Variants in UVRAG observed in about 807,000 individuals in gnomAD.
The protein encoded by UVRAG is UV radiation resistance associated.
In UVRAG, 19 loss-of-function variants were observed where a neutral mutation model predicts 78.0. The ratio of observed to expected loss-of-function variants is 0.24; its 90% confidence interval spans 0.17 to 0.36. The LOEUF (loss-of-function observed/expected upper bound fraction) is 0.36, where lower values mean the gene tolerates loss of function less well. Ranked by LOEUF, UVRAG falls within the 10% of genes least tolerant of loss-of-function variation. UVRAG has a pLI of 1.00. For synonymous variants in UVRAG, 323 were observed against 324.6 expected, an observed-to-expected ratio of 1.00 and a Z score of 0.05; for missense variants, 740 against 853.8, an observed-to-expected ratio of 0.87 and a Z score of 1.66.
rs1194020460 is a variant in UVRAG, at chr11:76,141,058, G to A, written c.1745G>A (p.Ser582Asn). 6.2e-7 allele frequency: 1 copy of A among 1,614,044 alleles called. No individual in the cohort carries two copies. The highest frequency in any genetic ancestry group is 1.3e-5 in the African/African-American group (1 of 74,916). The change falls in exon 15 of 15, where the codon AGC becomes AAC. Residue 582 changes from serine to asparagine, a missense_variant. Ser to Asn is a conservative substitution (Grantham distance 46). Transcript: ENST00000356136. ...LNGGHANVHP[S>N]QEQGEALSGH... ...GGAGGCCACGCGAATGTGCACCCTA[G>A]CCAAGAACAAGGAGAAGCCCTCTCC...
At chr11:75,872,471 C>T (rs1235016248) in intron 3 of UVRAG, among the ~76,000 whole-genome samples, 2 of 151,680 alleles carry the variant, frequency 1.3e-5, no homozygotes, top group African/African-American at 2.4e-5. Flanking sequence ...TCCCTGCAAC[C>T]TCTGCCTCCC....
In UVRAG at chr11:76,013,797, G is replaced by A. The variant is rs549620925; in HGVS notation, c.1061-3018G>A. 2.0e-5 allele frequency among the ~76,000 whole-genome samples: 3 copies of A among 152,272 alleles called. No homozygotes were observed. The South Asian group carries it at 6.2e-4, about 32-fold the overall frequency. ...CCAGGAGGTGGTTTTCCTTTTGAGG[G>A]TATTGAAATACCCTTGGGCCCTGTA... On this transcript the variant is annotated intron_variant, in intron 11 of 14. Coordinates refer to ENST00000356136, the MANE Select transcript of UVRAG (RefSeq NM_003369.4).
At chr11:75,967,764 C>G (rs1949052015) in intron 7 of UVRAG, among the ~76,000 whole-genome samples, 1 of 152,202 alleles carries the variant, frequency 6.6e-6, no homozygotes. Context: ...ATTTTCACAT[C>G]TGCTTCTGCA....
intron 13 of UVRAG, among the ~76,000 whole-genome samples, chr11:76,109,258 G>A (rs771368228): frequency 7.9e-5 from 12 of 152,158 alleles, no homozygotes; most frequent in Non-Finnish European, 1.6e-4. Context: ...AGATTTCTTA[G>A]AGACAAGAGT....
At chr11:76,106,898 C>T (rs1279813048) in intron 13 of UVRAG, among the ~76,000 whole-genome samples, 1 of 137,520 alleles carries the variant, frequency 7.3e-6, no homozygotes, top group Non-Finnish European at 1.6e-5. Flanking sequence ...TAGCCTTTAG[C>T]CTCCAGAGAA....
intron 14 of UVRAG, among the ~76,000 whole-genome samples, chr11:76,135,224 G>A (rs184455121): frequency 1.3e-5 from 2 of 152,294 alleles, no homozygotes; most frequent in East Asian, 3.9e-4. Flanking sequence ...ACTCCATATA[G>A]GTGGGATCAT....
At chr11:76,014,164 T>G (rs1950104078) in intron 11 of UVRAG, among the ~76,000 whole-genome samples, 1 of 152,244 alleles carries the variant, frequency 6.6e-6, no homozygotes, top group African/African-American at 2.4e-5. Context: ...AACTTTTGGT[T>G]ATTTTAATAG....
At chr11:76,017,702 T>A (rs573066860) in intron 12 of UVRAG, among the ~76,000 whole-genome samples, 8 of 152,224 alleles carry the variant, frequency 5.3e-5, no homozygotes, top group African/African-American at 1.9e-4. Flanking sequence ...GATTTCTCAA[T>A]GGAACAATGG....
intron 14 of UVRAG, among the ~76,000 whole-genome samples, chr11:76,135,409 A>T (rs1256090994): frequency 6.6e-6 from 1 of 152,242 alleles, no homozygotes; most frequent in Non-Finnish European, 1.5e-5. Context: ...GATCCAAGGA[A>T]GCCAAACTGA....
intron 9 of UVRAG, among the ~76,000 whole-genome samples, chr11:76,005,515 A>G (rs1485614377): frequency 1.3e-5 from 2 of 152,260 alleles, no homozygotes; most frequent in Non-Finnish European, 2.9e-5. Context: ...CTAAAAAACC[A>G]GTGATTTTCG....
chr11:75,918,171 C>A (rs570534745), intron 6 of UVRAG, among the ~76,000 whole-genome samples: 1 of 149,704 alleles, frequency 6.7e-6, no homozygotes, highest in Non-Finnish European at 1.5e-5. Context: ...TCGAGACCAT[C>A]CTGGCTAACA....
intron 5 of UVRAG, among the ~76,000 whole-genome samples, chr11:75,899,953 A>G (rs927690503): frequency 1.3e-5 from 2 of 152,100 alleles, no homozygotes; most frequent in Non-Finnish European, 2.9e-5. Flanking sequence ...TTGGAAAATC[A>G]TCTTATCCTG....
chr11:75,932,557 T>C (rs1351320283), intron 6 of UVRAG, among the ~76,000 whole-genome samples: 1 of 152,176 alleles, frequency 6.6e-6, no homozygotes, highest in African/African-American at 2.4e-5. Flanking sequence ...GTGCTGGGAT[T>C]ACAGGCGTGA....
intron 12 of UVRAG, among the ~76,000 whole-genome samples, chr11:76,064,081 A>G (rs548375755): frequency 7.9e-5 from 12 of 152,342 alleles, no homozygotes; most frequent in Admixed American, 3.3e-4. Context: ...AGTCCCACTG[A>G]AGTCATAATA....
At chr11:75,872,813 G>T (rs192513262) in intron 3 of UVRAG, among the ~76,000 whole-genome samples, 57 of 152,312 alleles carry the variant, frequency 3.7e-4, no homozygotes, top group African/African-American at 1.3e-3. Flanking sequence ...GAAAAATTGG[G>T]ATAGTGCTGT....
intron 6 of UVRAG, among the ~76,000 whole-genome samples, chr11:75,932,745 G>A (rs1379287147): frequency 6.6e-6 from 1 of 152,114 alleles, no homozygotes; most frequent in Non-Finnish European, 1.5e-5. Context: ...AATCAAGAAA[G>A]TAATCCCATT....
chr11:76,007,925 T>G (rs1949979161), intron 10 of UVRAG, among the ~76,000 whole-genome samples: 1 of 152,084 alleles, frequency 6.6e-6, no homozygotes, highest in Non-Finnish European at 1.5e-5. Context: ...TTTTTTTTTT[T>G]GAGACGGAGT....
intron 4 of UVRAG, among the ~76,000 whole-genome samples, chr11:75,887,994 A>G (rs1565364671): frequency 6.6e-6 from 1 of 152,178 alleles, no homozygotes; most frequent in Non-Finnish European, 1.5e-5. Flanking sequence ...ACAATAATAG[A>G]AGAGAGTGGT....
intron 1 of UVRAG, among the ~76,000 whole-genome samples, chr11:75,846,550 T>G (rs1278184275): frequency 6.6e-6 from 1 of 152,200 alleles, no homozygotes; most frequent in Non-Finnish European, 1.5e-5. Context: ...CCGATTCATT[T>G]TAAGTTAATT....
Sources: allele counts gnomAD v4.1 joint callset (sites outside exome capture counted in the v4.1 genomes callset), GRCh38; gene constraint gnomAD v4.1.1; transcripts MANE v1.5; gene names NCBI Gene and HGNC (gene_info 2026-07-23, HGNC 2026-07-21).